Variants in CNTN4 observed in about 807,000 individuals in gnomAD.
CNTN4 encodes contactin 4, also known as contactin-4.
CNTN4 carries 77 observed loss-of-function variants against 122.5 expected under a neutral mutation model. The ratio of observed to expected loss-of-function variants is 0.63; its 90% CI spans 0.52 to 0.76. The LOEUF (loss-of-function observed/expected upper bound fraction) is 0.76, where lower values mean the gene tolerates loss of function less well. Among genes scored for constraint, CNTN4 ranks in the 30% least tolerant of loss-of-function variants. The pLI, the probability that CNTN4 is intolerant of heterozygous loss-of-function variation, is 0.00. For synonymous variants in CNTN4, 512 were observed against 447.0 expected (o/e 1.15, Z -1.83); for missense variants, 1,256 against 1,259.1 (o/e 1.00, Z 0.04).
chr3:2,269,902 GTTTGTTTGTTTGTTTATTTA>G (rs747030348), intron 2 of CNTN4, among the ~76,000 whole-genome samples: 19,366 of 62,540 alleles, frequency 0.31, 7,271 homozygotes, highest in South Asian at 0.45. Context: ...TAGCCAGTTT[GTTTGTTTGTTTGTTTATTTA>G]TTTATTTATT....
chr3:2,994,594 C>CATATATATATATATATATATATATATAT (rs35069373), intron 14 of CNTN4, among the ~76,000 whole-genome samples: 2 of 144,606 alleles, frequency 1.4e-5, no homozygotes, highest in African/African-American at 2.5e-5. Context: ...CAGATTTTTT[C>CATATATATATATATATATATATATATAT]ATATATATAT....
chr3:2,398,139 G>A (rs976750296), intron 3 of CNTN4, among the ~76,000 whole-genome samples: 10 of 152,074 alleles, frequency 6.6e-5, no homozygotes, highest in Non-Finnish European at 1.3e-4. Context: ...AGAGGCAAAG[G>A]TGTGATATAT....
chr3:2,798,702 G>A (rs1049097607), intron 6 of CNTN4, among the ~76,000 whole-genome samples: 36 of 152,112 alleles, frequency 2.4e-4, no homozygotes, highest in African/African-American at 8.7e-4. Context: ...GTAGAGATGC[G>A]GCCTTGTCAT....
intron 3 of CNTN4, among the ~76,000 whole-genome samples, chr3:2,379,062 A>G (rs968972882): frequency 2.6e-5 from 4 of 152,158 alleles, no homozygotes; most frequent in Admixed American, 6.5e-5. Context: ...TGTATTGCCC[A>G]TTCATTGCCT....
At chr3:2,756,971 C>T (rs1305890062) in intron 6 of CNTN4, among the ~76,000 whole-genome samples, 1 of 152,116 alleles carries the variant, frequency 6.6e-6, no homozygotes, top group African/African-American at 2.4e-5. Flanking sequence ...CCAACATATG[C>T]ACAATTCTTT....
Position 2,271,876 on chromosome 3 carries a change from T to C in CNTN4, c.-144-67302T>C, listed in dbSNP as rs1214895087. Among the ~76,000 whole-genome samples, 6 of 152,192 alleles carry C rather than the reference T, an allele frequency of 3.9e-5. No homozygotes were observed. In the East Asian group the frequency reaches 1.2e-3, roughly 29 times the overall value. ...AATCATGTTATGTCATTACTTTCTATATCAGAATTTAAATGTTAAGGGACC... is the reference window on the plus strand; with the variant it reads ...AATCATGTTATGTCATTACTTTCTACATCAGAATTTAAATGTTAAGGGACC... On this transcript the variant is annotated intron_variant, in intron 2 of 24. Transcript: ENST00000418658.
chr3:2,120,405 ATTT>A (rs57112843), intron 2 of CNTN4, among the ~76,000 whole-genome samples: 28 of 40,852 alleles, frequency 6.9e-4, no homozygotes, highest in African/African-American at 8.9e-4. Context: ...ATATATATAT[ATTT>A]TTTTTTTTTT....
intron 13 of CNTN4, among the ~76,000 whole-genome samples, chr3:2,949,759 C>T (rs959034674): frequency 1.3e-5 from 2 of 152,146 alleles, no homozygotes; most frequent in Admixed American, 6.5e-5. Context: ...AATAAGTTCC[C>T]CATTTTGCAT....
intron 3 of CNTN4, among the ~76,000 whole-genome samples, chr3:2,479,804 A>G (rs75199347): frequency 2.3e-3 from 351 of 152,302 alleles, no homozygotes; most frequent in African/African-American, 8.1e-3. Context: ...AATTAGACAA[A>G]CACATTACAA....
chr3:3,002,950 G>A (rs1465468144), intron 14 of CNTN4, among the ~76,000 whole-genome samples: 1 of 152,138 alleles, frequency 6.6e-6, no homozygotes, highest in Non-Finnish European at 1.5e-5. Flanking sequence ...GCTCATCCAC[G>A]AATGGTCATG....
In CNTN4 at chr3:3,019,777, T is replaced by TATATATATATATATATACACATGC. The variant is rs1553727522; in HGVS notation, c.1487-6308_1487-6307insCACATGCATATATATATATATATA. On this transcript the variant is annotated intron_variant, in intron 14 of 24. Transcript: ENST00000418658. ...GTGTGTGTACACAAATATATATATA[T>TATATATATATATATATACACATGC]ATATATATATATATATATATACACA... 6.0e-5 allele frequency among the ~76,000 whole-genome samples: 5 copies of TATATATATATATATATACACATGC among 82,700 alleles called. No homozygotes were observed. In the East Asian group the frequency reaches 1.1e-3, roughly 18 times the overall value. The allele number at this position is 82,700 out of a possible 152,430, so 54.3% of individuals were successfully genotyped here. A position where few individuals can be genotyped will look rare whatever the true frequency, so the allele number is the denominator to read the frequency against.
At chr3:3,028,628 C>T (rs892706821) in intron 15 of CNTN4, among the ~76,000 whole-genome samples, 2 of 152,110 alleles carry the variant, frequency 1.3e-5, no homozygotes, top group Non-Finnish European at 2.9e-5. Context: ...TGTGGCTTCC[C>T]ACCTTCCCTG....
At chr3:2,102,138 T>C (rs958186579) in intron 2 of CNTN4, among the ~76,000 whole-genome samples, 2 of 152,228 alleles carry the variant, frequency 1.3e-5, no homozygotes, top group Non-Finnish European at 2.9e-5. Flanking sequence ...AGTTTTAGTT[T>C]AAAGACTAAG....
At position 2,559,437 on chromosome 3, in the gene CNTN4, C is replaced by T. The variant is rs537091522; in HGVS notation, c.-88-11979C>T. 2.6e-5 allele frequency among the ~76,000 whole-genome samples: 4 copies of T among 152,160 alleles called. No individual in the cohort carries two copies. The South Asian group carries it at 6.2e-4, about 24-fold the overall frequency. On this transcript the variant is annotated intron_variant, in intron 3 of 24. Coordinates refer to ENST00000418658, the MANE Select transcript of CNTN4 (RefSeq NM_175607.3). ...GTATACTAAAGAAATAAGGGACTCA[C>T]ATAATCCTCCAAGCCCCGCTTTCCT...
intron 2 of CNTN4, among the ~76,000 whole-genome samples, chr3:2,262,854 A>T (rs1255542886): frequency 1.3e-5 from 2 of 152,150 alleles, no homozygotes; most frequent in Non-Finnish European, 2.9e-5. Context: ...AAGCTACTGT[A>T]GTGTTCCATG....
chr3:3,040,511 G>C (rs369080827), intron 20 of CNTN4: 6 of 546,818 alleles, frequency 1.1e-5, no homozygotes, highest in African/African-American at 9.5e-5. Flanking sequence ...CTAAGGACCA[G>C]AATTGCAAAT....
At chr3:2,617,379 A>T (rs1026029653) in intron 4 of CNTN4, among the ~76,000 whole-genome samples, 5 of 151,702 alleles carry the variant, frequency 3.3e-5, no homozygotes, top group African/African-American at 9.7e-5. Context: ...CAAGAAACAT[A>T]TGAAAAACAG....
At chr3:2,289,950 G>C (rs2149985965) in intron 2 of CNTN4, among the ~76,000 whole-genome samples, 1 of 151,940 alleles carries the variant, frequency 6.6e-6, no homozygotes, top group African/African-American at 2.4e-5. Flanking sequence ...TAGTTTTCAG[G>C]GTTACAGAAT....
At chr3:2,528,115 GCCT>G in intron 3 of CNTN4, among the ~76,000 whole-genome samples, 1 of 152,066 alleles carries the variant, frequency 6.6e-6, no homozygotes. Flanking sequence ...TGATGTCAAG[GCCT>G]CCTCTTGTCG....
Sources: gnomAD v4.1 joint callset for allele counts (sites outside exome capture counted in the v4.1 genomes callset) on GRCh38, gnomAD v4.1.1 for gene constraint, MANE v1.5 for transcripts, NCBI Gene and HGNC (gene_info 2026-07-23, HGNC 2026-07-21) for gene names.